The following DNAL1 variants were observed in gnomAD, a reference collection of about 807,000 sequenced individuals.
DNAL1 encodes dynein axonemal light chain 1, also known as chromosome 14 open reading frame 168.
Under a neutral mutation model 29.4 loss-of-function variants are expected in DNAL1, and 17 were observed. The observed-to-expected ratio is 0.58, with a 90% confidence interval of 0.40 to 0.87. The LOEUF is 0.87. Ranked by LOEUF, DNAL1 falls within the 40% of genes least tolerant of loss-of-function variation. DNAL1 has a pLI of 0.00. For synonymous variants in DNAL1, 78 were observed against 76.3 expected (o/e 1.02, Z -0.12); for missense variants, 188 against 214.1 (o/e 0.88, Z 0.76).
chr14:73,651,995 C>T (rs1281639677), intron 1 of DNAL1, among the ~76,000 whole-genome samples: 1 of 151,928 alleles, frequency 6.6e-6, no homozygotes, highest in African/African-American at 2.4e-5. Flanking sequence ...ATAGTTATTT[C>T]TCTGTATTCT....
intron 4 of DNAL1, among the ~76,000 whole-genome samples, chr14:73,669,663 CA>C (rs1209650523): frequency 6.6e-6 from 1 of 152,108 alleles, no homozygotes; most frequent in Non-Finnish European, 1.5e-5. Flanking sequence ...CTTCTGGCAT[CA>C]AATGATACTC....
rs79479144 is a variant in DNAL1 at position 73,672,243 on chromosome 14, T to C, written c.264+646T>C. 8.1e-3 allele frequency among the ~76,000 whole-genome samples: 1,227 copies of C among 152,312 alleles called. 24 individuals carry two copies. The highest frequency in any genetic ancestry group is 0.028 in the African/African-American group (1,163 of 41,568). On this transcript the variant is annotated intron_variant, in intron 5 of 7. Transcript: ENST00000553645. Reference sequence around the variant, plus strand: ...AATTTGTTAGCCAAACTCTGAATTATATTTCCACCTCTGTGATTCTATTTA... The same window carrying C: ...AATTTGTTAGCCAAACTCTGAATTACATTTCCACCTCTGTGATTCTATTTA...
intron 5 of DNAL1, among the ~76,000 whole-genome samples, chr14:73,684,573 C>A (rs748733828): frequency 1.9e-4 from 29 of 152,036 alleles, no homozygotes; most frequent in African/African-American, 3.6e-4. Flanking sequence ...GAGCAATAAT[C>A]ATCATCATCA....
chr14:73,677,884 T>TTTGTGTG (rs1555402398), intron 5 of DNAL1, among the ~76,000 whole-genome samples: 2,288 of 96,014 alleles, frequency 0.024, 113 homozygotes, highest in African/African-American at 0.082. Flanking sequence ...ATATATATAT[T>TTTGTGTG]TGTGTGTGTG....
chr14:73,694,756 C>G (rs146148889), intron 7 of DNAL1, among the ~76,000 whole-genome samples: 4,803 of 144,388 alleles, frequency 0.033, 272 homozygotes, highest in African/African-American at 0.12. Context: ...ATGGCATGAT[C>G]TTGGTTCACT....
At chr14:73,649,512 G>A (rs1019768142) in intron 1 of DNAL1, among the ~76,000 whole-genome samples, 4 of 151,256 alleles carry the variant, frequency 2.6e-5, no homozygotes, top group African/African-American at 4.8e-5. Context: ...TCGATCTCCT[G>A]ACCTCGTGAT....
intron 1 of DNAL1, among the ~76,000 whole-genome samples, chr14:73,645,339 G>T (rs1399307551): frequency 6.6e-6 from 1 of 152,222 alleles, no homozygotes; most frequent in Non-Finnish European, 1.5e-5. Flanking sequence ...GAGTGGGAAG[G>T]GTGATGGGAA....
intron 4 of DNAL1, among the ~76,000 whole-genome samples, chr14:73,663,596 G>A (rs997404810): frequency 1.3e-5 from 2 of 151,922 alleles, no homozygotes; most frequent in African/African-American, 4.8e-5. Context: ...ATTAATTTAG[G>A]CTCATGACCC....
chr14:73,692,259 A>T (rs1332513353), intron 7 of DNAL1, among the ~76,000 whole-genome samples: 2 of 152,134 alleles, frequency 1.3e-5, no homozygotes, highest in African/African-American at 4.8e-5. Flanking sequence ...AGGTGGGTGG[A>T]TCACCTGAGG....
At chr14:73,656,239 T>A (rs1173210344) in intron 2 of DNAL1, among the ~76,000 whole-genome samples, 1 of 152,174 alleles carries the variant, frequency 6.6e-6, no homozygotes, top group Non-Finnish European at 1.5e-5. Context: ...ATGTATTTTA[T>A]AATTTATTTC....
rs986765374 is a variant in DNAL1, at chr14:73,702,960, GA to G, written c.*7028del. 21 of 146,506 alleles carry G rather than the reference GA, an allele frequency of 1.4e-4. No individual in the cohort carries two copies. The highest frequency in any genetic ancestry group is 3.5e-3 in the Middle Eastern group (1 of 286). The allele number at this position is 146,506 out of a possible 1,614,324, so 9.1% of individuals were successfully genotyped here. ...CCCCATCTCTACAAAAAAAAAAAAA[GA>G]AAAAAAAAATTAGTTGGGCATGGCA... On this transcript the variant is annotated 3_prime_UTR_variant, in exon 8 of 8. Transcript: ENST00000553645.
intron 4 of DNAL1, among the ~76,000 whole-genome samples, chr14:73,671,335 T>G (rs1891611139): frequency 6.6e-6 from 1 of 152,174 alleles, no homozygotes; most frequent in South Asian, 2.1e-4. Context: ...TATTGACATG[T>G]TATGAAATTA....
In DNAL1 at chr14:73,696,167, A is replaced by C; in HGVS notation, c.*225A>C. The stretch of plus-strand genomic sequence containing the variant: ...CTATTTCTCTTTTTAGAAACCACAA[A>C]TTTTCGATTTTTGTCTTCAGTCTCA... On this transcript the variant is annotated 3_prime_UTR_variant, in exon 8 of 8. Coordinates refer to ENST00000553645, the MANE Select transcript of DNAL1 (RefSeq NM_031427.4). 2 of 437,204 alleles carry C rather than the reference A, an allele frequency of 4.6e-6. No individual in the cohort carries two copies. The highest frequency in any genetic ancestry group is 4.1e-5 in the East Asian group (1 of 24,412). 27.1% of individuals were successfully genotyped at this position (437,204 alleles called of 1,614,324 possible).
At chr14:73,648,366 A>G (rs1473544112) in intron 1 of DNAL1, among the ~76,000 whole-genome samples, 1 of 119,962 alleles carries the variant, frequency 8.3e-6, no homozygotes, top group African/African-American at 3.5e-5. Flanking sequence ...TTTACTTTGC[A>G]TTTTTCTGAT....
At chr14:73,666,741 A>T (rs548767766) in intron 4 of DNAL1, among the ~76,000 whole-genome samples, 1 of 152,160 alleles carries the variant, frequency 6.6e-6, no homozygotes, top group Non-Finnish European at 1.5e-5. Flanking sequence ...GTTATCTCCA[A>T]TTGCTGAGGT....
intron 4 of DNAL1, among the ~76,000 whole-genome samples, chr14:73,670,000 C>T (rs1417478167): frequency 6.7e-6 from 1 of 150,050 alleles, no homozygotes; most frequent in East Asian, 1.9e-4. Context: ...CACACACACA[C>T]ATTCACACAC....
chr14:73,657,687 G>A (rs551888729), intron 2 of DNAL1, among the ~76,000 whole-genome samples: 6 of 152,218 alleles, frequency 3.9e-5, no homozygotes, highest in Admixed American at 2.6e-4. Context: ...TCTGCCTCCC[G>A]GGTTCAAGCA....
chr14:73,686,675 C>A (rs1892025824), intron 5 of DNAL1, among the ~76,000 whole-genome samples: 1 of 152,042 alleles, frequency 6.6e-6, no homozygotes, highest in East Asian at 1.9e-4. Context: ...GACACTGCAC[C>A]CCAGTCTGGG....
intron 3 of DNAL1, among the ~76,000 whole-genome samples, chr14:73,661,194 T>C (rs930709001): frequency 1.3e-5 from 2 of 152,028 alleles, no homozygotes; most frequent in African/African-American, 2.4e-5. Flanking sequence ...TTCTGCTAGA[T>C]GGTTTTTAAA....
Sources: gnomAD v4.1 joint callset for allele counts (sites outside exome capture counted in the v4.1 genomes callset) on GRCh38, gnomAD v4.1.1 for gene constraint, MANE v1.5 for transcripts, NCBI Gene and HGNC (gene_info 2026-07-23, HGNC 2026-07-21) for gene names.